Variants in FAM167A observed in about 807,000 individuals in gnomAD.
FAM167A encodes the protein protein FAM167A.
A neutral mutation model predicts 14.9 loss-of-function variants in FAM167A; 23 were observed. The ratio of observed to expected loss-of-function variants is 1.55; its 90% CI spans 1.11 to 2.19. The LOEUF is 2.19. Among genes scored for constraint, FAM167A ranks in the 30% most tolerant of loss-of-function variants. The pLI is 0.00. For missense variants in FAM167A, 401 were observed against 281.5 expected, an observed-to-expected ratio of 1.42 and a Z score of -3.04; for synonymous variants, 174 against 117.7, an observed-to-expected ratio of 1.48 and a Z score of -3.10.
intron 2 of FAM167A, chr8:11,438,493 G>A (rs1397437739): frequency 2.2e-6 from 1 of 457,290 alleles, no homozygotes; most frequent in South Asian, 1.5e-5. Flanking sequence ...CATTGGCAAG[G>A]GAGAGAAGAG....
intron 1 of FAM167A, among the ~76,000 whole-genome samples, chr8:11,462,592 G>T (rs966605308): frequency 6.8e-6 from 1 of 146,854 alleles, no homozygotes; most frequent in Non-Finnish European, 1.5e-5. Context: ...CAGCAACCTC[G>T]CCAGACTGCA....
chr8:11,458,553 C>T (rs74509333), intron 1 of FAM167A, among the ~76,000 whole-genome samples: 17,866 of 152,130 alleles, frequency 0.12, 1,186 homozygotes, highest in African/African-American at 0.18. Flanking sequence ...TAGAAAGAGA[C>T]GTTCATTTTA....
At chr8:11,438,973 G>T (rs1353254126) in intron 2 of FAM167A, among the ~76,000 whole-genome samples, 1 of 152,220 alleles carries the variant, frequency 6.6e-6, no homozygotes, top group African/African-American at 2.4e-5. Context: ...CCTCCTGTGT[G>T]ACCTTTTACA....
intron 2 of FAM167A, among the ~76,000 whole-genome samples, chr8:11,440,189 G>T (rs1035846536): frequency 6.6e-6 from 1 of 152,194 alleles, no homozygotes; most frequent in Admixed American, 6.5e-5. Context: ...CTCGCCTGGA[G>T]GAGTCAGGTG....
chr8:11,474,311 A>G (rs1295112633), intron 1 of FAM167A, among the ~76,000 whole-genome samples: 1 of 152,204 alleles, frequency 6.6e-6, no homozygotes, highest in Non-Finnish European at 1.5e-5. Context: ...GCATTCCTGG[A>G]TATCTTAGCT....
At position 11,445,033 on chromosome 8, in the gene FAM167A, A is replaced by G. The variant is rs1008358520; in HGVS notation, c.-397-225T>C. ...TGCAGTGTTTTACCATTTATATAAA[A>G]ACGACTCCGCCTCTACTATCTTATT... On this transcript the variant is annotated intron_variant, in intron 1 of 2. Transcript: ENST00000284486. The G allele has an allele frequency of 1.3e-5, 8 of 616,738 alleles. No homozygotes were observed. The Admixed American group carries it at 4.6e-4, about 35-fold the overall frequency. 38.2% of individuals were successfully genotyped at this position (616,738 alleles called of 1,614,324 possible). A position where few individuals can be genotyped will look rare whatever the true frequency, so the allele number is the denominator to read the frequency against.
intron 2 of FAM167A, among the ~76,000 whole-genome samples, chr8:11,435,798 T>C (rs749320013): frequency 5.3e-5 from 8 of 152,222 alleles, no homozygotes; most frequent in African/African-American, 7.2e-5. Context: ...CTGATAATAA[T>C]TGACCGTAAT....
chr8:11,448,611 C>G (rs746732335), intron 1 of FAM167A, among the ~76,000 whole-genome samples: 1 of 152,200 alleles, frequency 6.6e-6, no homozygotes, highest in Non-Finnish European at 1.5e-5. Context: ...TCAGTTGATC[C>G]CACCTCCCCC....
At chr8:11,425,283 T>C (rs367895419) in intron 2 of FAM167A, among the ~76,000 whole-genome samples, 18 of 152,246 alleles carry the variant, frequency 1.2e-4, no homozygotes, top group East Asian at 1.2e-3. Context: ...GATGTCACCA[T>C]CATCACCCAC....
intron 2 of FAM167A, 21 bp downstream of exon 2, chr8:11,444,010 T>C (rs1806609340): frequency 3.8e-6 from 6 of 1,595,654 alleles, no homozygotes; most frequent in African/African-American, 1.3e-5. Flanking sequence ...TTTCTGGGGA[T>C]TCTTGGGGGC....
rs114453717 is a variant in FAM167A at position 11,425,385 on chromosome 8, G to A, written c.382-749C>T. ...ACAGCCGAGCTGGGATGAGGAAGCC[G>A]GACAGCTGGACTCCAGAACCAAAAT... On this transcript the variant is annotated intron_variant, in intron 2 of 2. Transcript: ENST00000284486. Among the ~76,000 whole-genome samples, 645 of 152,250 alleles carry A rather than the reference G, an allele frequency of 4.2e-3. 6 individuals are homozygous for A. Among genetic ancestry groups the A allele is most frequent in the African/African-American group, 0.014 (593 of 41,556 alleles).
intron 2 of FAM167A, among the ~76,000 whole-genome samples, chr8:11,437,011 T>G (rs1443354665): frequency 1.3e-5 from 2 of 152,238 alleles, no homozygotes; most frequent in East Asian, 1.9e-4. Flanking sequence ...ATCTATTTTC[T>G]GCCCCAGCCT....
chr8:11,424,697 A>T, intron 2 of FAM167A, 61 bp from the exon 3 acceptor site: 1 of 1,588,856 alleles, frequency 6.3e-7, no homozygotes, highest in South Asian at 1.1e-5. Flanking sequence ...TGACAGGCAC[A>T]GACTGGTTAG....
At chr8:11,460,390 G>A (rs148499420) in intron 1 of FAM167A, among the ~76,000 whole-genome samples, 87 of 152,272 alleles carry the variant, frequency 5.7e-4, no homozygotes, top group Non-Finnish European at 8.8e-4. Context: ...GATGACCTCC[G>A]TGCCCTCTTC....
At chr8:11,443,459 A>C (rs879616238) in intron 2 of FAM167A, among the ~76,000 whole-genome samples, 3 of 152,000 alleles carry the variant, frequency 2.0e-5, no homozygotes, top group Non-Finnish European at 2.9e-5. Context: ...CCCAGGCAGG[A>C]CCCATCCCGC....
rs372968845 is a variant in FAM167A, at chr8:11,424,505, C to A, written c.513G>T (p.Leu171=). ...GGTCGGCCAGCTCATCCCGCTCCTC[C>A]AGCTCGTAGGTGGCATCGTTGAGCA... ...RRMLNDATYE[L]EERDELADLF... Residue 171 remains leucine (L), a synonymous_variant, in exon 3 of 3, where the codon CTG becomes CTT. Transcript: ENST00000284486. The A allele has an allele frequency of 8.1e-6, 13 of 1,614,010 alleles. No homozygotes were observed. In the African/African-American group the frequency reaches 1.7e-4, roughly 22 times the overall value.
chr8:11,464,351 G>A (rs958761282), intron 1 of FAM167A, among the ~76,000 whole-genome samples: 1 of 152,180 alleles, frequency 6.6e-6, no homozygotes, highest in African/African-American at 2.4e-5. Flanking sequence ...ACGGCCCTCG[G>A]TGGCAGCTCA....
chr8:11,426,449 T>C (rs1174745687), intron 2 of FAM167A, among the ~76,000 whole-genome samples: 1 of 152,216 alleles, frequency 6.6e-6, no homozygotes, highest in African/African-American at 2.4e-5. Flanking sequence ...TGTTTTCTTC[T>C]GTTAACAAAG....
At chr8:11,445,510 TG>T (rs1806732495) in intron 1 of FAM167A, 2 of 985,650 alleles carry the variant, frequency 2.0e-6, no homozygotes, top group Non-Finnish European at 1.2e-6. Context: ...ACAAGCAGGC[TG>T]TGACTCATTG....
Sources: gnomAD v4.1 joint callset for allele counts (sites outside exome capture counted in the v4.1 genomes callset) on GRCh38, gnomAD v4.1.1 for gene constraint, MANE v1.5 for transcripts, NCBI Gene and HGNC (gene_info 2026-07-23, HGNC 2026-07-21) for gene names.